Variants in RXFP1 observed in about 807,000 individuals in gnomAD.
RXFP1 encodes the protein relaxin receptor 1.
Under a neutral mutation model 89.8 loss-of-function variants are expected in RXFP1, and 73 were observed. The ratio of observed to expected loss-of-function variants is 0.81; its 90% CI spans 0.67 to 0.99. RXFP1 has a LOEUF of 0.99. RXFP1 is among the 50% of genes least tolerant of loss of function. The pLI, the probability that RXFP1 is intolerant of heterozygous loss-of-function variation, is 0.00. For missense variants in RXFP1, 793 were observed against 895.5 expected (o/e 0.89, Z 1.46); for synonymous variants, 277 against 305.5 (o/e 0.91, Z 0.97).
chr4:158,536,115 G>A (rs1374570700), intron 1 of RXFP1, among the ~76,000 whole-genome samples: 1 of 152,080 alleles, frequency 6.6e-6, no homozygotes, highest in African/African-American at 2.4e-5. Flanking sequence ...CAACACAAAG[G>A]TTGTTACTCA....
intron 16 of RXFP1, 128 bp from the exon 17 acceptor site, chr4:158,648,371 C>T (rs1424724984): frequency 6.5e-6 from 4 of 615,928 alleles, no homozygotes; most frequent in East Asian, 6.0e-5. Flanking sequence ...AAAACCCACA[C>T]ATTATAGTCT....
Position 158,639,313 on chromosome 4 carries a change from T to C in RXFP1, c.1097T>C (p.Leu366Pro), listed in dbSNP as rs371731072. 1.3e-6 allele frequency: 2 copies of C among 1,555,834 alleles called. No homozygotes were observed. Among genetic ancestry groups the C allele is most frequent in the Non-Finnish European group, 1.8e-6 (2 of 1,127,190 alleles). ...SNIQQRMFRPLMNLSHIYFKK... is the reference protein window; with the variant it reads ...SNIQQRMFRPPMNLSHIYFKK... ...ATCCAACAAAGGATGTTTAGACCTCTTATGAATCTCTCTCACATGTAAGTA... is the reference window on the plus strand; with the variant it reads ...ATCCAACAAAGGATGTTTAGACCTCCTATGAATCTCTCTCACATGTAAGTA... Residue 366 changes from leucine to proline, a missense_variant, in exon 14 of 18, where the codon CTT becomes CCT. By Grantham distance (98) the Leu-to-Pro change is moderately conservative. Coordinates refer to ENST00000307765, the MANE Select transcript of RXFP1 (RefSeq NM_021634.4).
In RXFP1 at chr4:158,521,972, A is replaced by C; in HGVS notation, c.-5A>C. 1 of 1,608,100 alleles carries C rather than the reference A, an allele frequency of 6.2e-7. No individual in the cohort carries two copies. The highest frequency in any genetic ancestry group is 8.5e-7 in the Non-Finnish European group (1 of 1,176,000). On this transcript the variant is annotated 5_prime_UTR_variant, in exon 1 of 18. Transcript: ENST00000307765. ...TTCATTAATCAGTTGCTCAGATAGA[A>C]GGAAATGACATCTGGTTCTGTCTTC...
intron 1 of RXFP1, among the ~76,000 whole-genome samples, chr4:158,552,486 G>T (rs578212753): frequency 6.6e-6 from 1 of 152,106 alleles, no homozygotes; most frequent in East Asian, 1.9e-4. Context: ...CAAAAACTTT[G>T]ATTCTTCAAA....
chr4:158,564,584 T>C (rs1327271459), intron 1 of RXFP1, among the ~76,000 whole-genome samples: 1 of 152,202 alleles, frequency 6.6e-6, no homozygotes, highest in East Asian at 1.9e-4. Flanking sequence ...ATATAAACTC[T>C]GTTGTCTCTC....
At chr4:158,615,037 G>A (rs1005090264) in intron 8 of RXFP1, among the ~76,000 whole-genome samples, 1 of 152,084 alleles carries the variant, frequency 6.6e-6, no homozygotes, top group South Asian at 2.1e-4. Context: ...AGCACAGGCA[G>A]AGTAGATTTA....
chr4:158,619,059 T>A (rs1388145828), intron 9 of RXFP1, among the ~76,000 whole-genome samples: 1 of 151,468 alleles, frequency 6.6e-6, no homozygotes, highest in Admixed American at 6.6e-5. Flanking sequence ...CTAGAAGACA[T>A]GGAAAAGAAT....
In RXFP1 at chr4:158,639,274, T is replaced by C; in HGVS notation, c.1058T>C (p.Ile353Thr). ...GATATTTTTAGCAGCCTAGAAGGGA[T>C]TGAAATTTCAAATATCCAACAAAGG... ...VKLKSLSLEG[I>T]EISNIQQRMF... The change falls in exon 14 of 18, where the codon ATT becomes ACT. Residue 353 changes from isoleucine to threonine, a missense_variant. Ile to Thr is a moderately conservative substitution (Grantham distance 89). Coordinates refer to ENST00000307765, the MANE Select transcript of RXFP1 (RefSeq NM_021634.4). The C allele has an allele frequency of 1.3e-6, 2 of 1,553,618 alleles. No individual in the cohort carries two copies. Among genetic ancestry groups the C allele is most frequent in the Non-Finnish European group, 1.8e-6 (2 of 1,124,994 alleles).
rs74978367 is a variant in RXFP1 at position 158,524,939 on chromosome 4, C to T, written c.49+2914C>T. On this transcript the variant is annotated intron_variant, in intron 1 of 17. Transcript: ENST00000307765. ...TCCACTTTAGTATTTTGCCAAGGACCGGCCCAGCTTAGTAAGGTCTTCTCT... is the reference window on the plus strand; with the variant it reads ...TCCACTTTAGTATTTTGCCAAGGACTGGCCCAGCTTAGTAAGGTCTTCTCT... Among the ~76,000 whole-genome samples, 481 of 152,186 alleles carry T rather than the reference C, an allele frequency of 3.2e-3. 2 individuals carry two copies. The highest frequency in any genetic ancestry group is 0.01 in the African/African-American group (416 of 41,524).
chr4:158,647,323 A>T (rs1771762823), intron 16 of RXFP1, 122 bp downstream of exon 16: 3 of 741,684 alleles, frequency 4.0e-6, no homozygotes, highest in Non-Finnish European at 6.3e-6. Context: ...TCCCCAAATT[A>T]TACTCTGATA....
At chr4:158,595,146 G>A (rs1162495651) in intron 3 of RXFP1, among the ~76,000 whole-genome samples, 1 of 152,120 alleles carries the variant, frequency 6.6e-6, no homozygotes, top group Admixed American at 6.6e-5. Context: ...TTTACCTTTT[G>A]CTAGTCCTAG....
intron 2 of RXFP1, among the ~76,000 whole-genome samples, chr4:158,577,069 C>T (rs1756402588): frequency 6.6e-6 from 1 of 151,760 alleles, no homozygotes; most frequent in South Asian, 2.1e-4. Context: ...GAGACAGTCT[C>T]ATTCTGTCAC....
intron 4 of RXFP1, among the ~76,000 whole-genome samples, chr4:158,602,632 T>G (rs1209840722): frequency 6.6e-6 from 1 of 152,142 alleles, no homozygotes; most frequent in Non-Finnish European, 1.5e-5. Flanking sequence ...TCAAAGAAAA[T>G]TCTCTATTTA....
At chr4:158,620,708 AT>A (rs1765463215) in intron 9 of RXFP1, among the ~76,000 whole-genome samples, 1 of 152,208 alleles carries the variant, frequency 6.6e-6, no homozygotes, top group Admixed American at 6.5e-5. Flanking sequence ...TAATAAAAAG[AT>A]CAATTAAGCA....
In RXFP1 at chr4:158,632,325, G is replaced by A. The variant is rs750700440; in HGVS notation, c.900-1080G>A. On this transcript the variant is annotated intron_variant, in intron 11 of 17. Coordinates refer to ENST00000307765, the MANE Select transcript of RXFP1 (RefSeq NM_021634.4). Reference sequence around the variant, plus strand: ...CAGTCTAAAAATTGTCCTACCCTTCGAGGTCAAAAAATCTAACGTTTGCCT... The same window carrying A: ...CAGTCTAAAAATTGTCCTACCCTTCAAGGTCAAAAAATCTAACGTTTGCCT... Among the ~76,000 whole-genome samples the A allele has an allele frequency of 6.4e-4, 98 of 152,088 alleles. 1 individual carries two copies. Among genetic ancestry groups the A allele is most frequent in the East Asian group, 7.7e-4 (4 of 5,178 alleles).
chr4:158,591,712 G>A lies in RXFP1; in HGVS notation c.188-1689G>A, dbSNP rs150851336. On this transcript the variant is annotated intron_variant, in intron 2 of 17. Transcript: ENST00000307765. ...TGCAGTGAGCTGAGATTGCACCACT[G>A]CATTCCAGCCTCAGTGACAGAGCAA... Among the ~76,000 whole-genome samples, 937 of 152,254 alleles carry A rather than the reference G, an allele frequency of 6.2e-3. 7 individuals carry two copies. Among genetic ancestry groups the A allele is most frequent in the African/African-American group, 0.021 (865 of 41,544 alleles).
intron 5 of RXFP1, chr4:158,607,196 A>G (rs543598321): frequency 1.9e-5 from 23 of 1,189,232 alleles, no homozygotes; most frequent in Non-Finnish European, 9.6e-6. Flanking sequence ...ATACTCTGGT[A>G]CCCATTTCCT....
intron 9 of RXFP1, among the ~76,000 whole-genome samples, chr4:158,619,911 G>T (rs1765288396): frequency 6.6e-6 from 1 of 152,086 alleles, no homozygotes; most frequent in Non-Finnish European, 1.5e-5. Flanking sequence ...ATGCTCTTAT[G>T]AGAGTTTGGC....
intron 16 of RXFP1, 97 bp from the exon 17 acceptor site, chr4:158,648,402 T>A (rs1580341082): frequency 1.3e-6 from 1 of 752,088 alleles, no homozygotes; most frequent in African/African-American, 1.8e-5. Flanking sequence ...AGTAATAACA[T>A]CTTTGTATCT....
Sources: allele counts gnomAD v4.1 joint callset (sites outside exome capture counted in the v4.1 genomes callset), GRCh38; gene constraint gnomAD v4.1.1; transcripts MANE v1.5; gene names NCBI Gene and HGNC (gene_info 2026-07-23, HGNC 2026-07-21).